The following IL7 variants were observed in gnomAD, a reference collection of about 807,000 sequenced individuals.
IL7 encodes interleukin 7.
Under a neutral mutation model 21.6 loss-of-function variants are expected in IL7, and 3 were observed. The ratio of observed to expected loss-of-function variants is 0.14; its 90% confidence interval spans 0.06 to 0.36. The LOEUF is 0.36. Ranked by LOEUF, IL7 falls within the 10% of genes least tolerant of loss-of-function variation. The pLI is 1.00. For synonymous variants in IL7, 62 were observed against 68.1 expected (o/e 0.91, Z 0.44); for missense variants, 175 against 200.2 (o/e 0.87, Z 0.76).
chr8:78,745,059 C>A (rs1811933203), intron 2 of IL7, among the ~76,000 whole-genome samples: 1 of 152,210 alleles, frequency 6.6e-6, no homozygotes, highest in Non-Finnish European at 1.5e-5. Context: ...GCCCTTTTGT[C>A]CCTCTTTGTG....
chr8:78,729,813 C>G (rs942355837), downstream of IL7, among the ~76,000 whole-genome samples: 1 of 152,046 alleles, frequency 6.6e-6, no homozygotes, highest in Middle Eastern at 3.4e-3. Context: ...TTAAAGTTCT[C>G]ATTTGAATCA....
intron 4 of IL7, among the ~76,000 whole-genome samples, chr8:78,737,599 G>A (rs1272969789): frequency 6.6e-6 from 1 of 152,048 alleles, no homozygotes; most frequent in East Asian, 1.9e-4. Context: ...GGCTATCCAA[G>A]TTATATAATA....
At chr8:78,753,960 C>A (rs898764389) in intron 2 of IL7, among the ~76,000 whole-genome samples, 2 of 151,786 alleles carry the variant, frequency 1.3e-5, no homozygotes, top group Admixed American at 1.3e-4. Context: ...CCATGCTGTT[C>A]GGTTACATTT....
chr8:78,791,454 A>G (rs1231125303), intron 2 of IL7, among the ~76,000 whole-genome samples: 1 of 152,188 alleles, frequency 6.6e-6, no homozygotes, highest in African/African-American at 2.4e-5. Context: ...AGCCTGGCCA[A>G]CATGGCAAAA....
At chr8:78,759,938 T>C (rs1812491701) in intron 2 of IL7, among the ~76,000 whole-genome samples, 1 of 152,190 alleles carries the variant, frequency 6.6e-6, no homozygotes, top group South Asian at 2.1e-4. Flanking sequence ...CATGGAACTT[T>C]CAACGTTCTC....
At chr8:78,699,978 C>T (rs1431505757) in intron 3 of IL7, among the ~76,000 whole-genome samples, 1 of 152,072 alleles carries the variant, frequency 6.6e-6, no homozygotes, top group East Asian at 1.9e-4. Flanking sequence ...TGGGTATATA[C>T]TCAGTAATGG....
chr8:78,762,744 T>G (rs2130767233), intron 2 of IL7, among the ~76,000 whole-genome samples: 1 of 152,234 alleles, frequency 6.6e-6, no homozygotes, highest in South Asian at 2.1e-4. Context: ...TGAATTCTTT[T>G]TCAGGCTTTT....
At chr8:78,767,233 T>C (rs1812784084) in intron 2 of IL7, among the ~76,000 whole-genome samples, 1 of 151,922 alleles carries the variant, frequency 6.6e-6, no homozygotes. Context: ...TGTGTGTGTG[T>C]CTGTGTTTAT....
chr8:78,694,572 G>A (rs1309461114), intron 3 of IL7, among the ~76,000 whole-genome samples: 1 of 151,996 alleles, frequency 6.6e-6, no homozygotes, highest in Non-Finnish European at 1.5e-5. Flanking sequence ...ATATGGTTTG[G>A]CCTGGAAATT....
At chr8:78,802,230 A>G (rs554561446) in intron 1 of IL7, among the ~76,000 whole-genome samples, 2 of 152,298 alleles carry the variant, frequency 1.3e-5, no homozygotes, top group South Asian at 4.1e-4. Context: ...GTTTTCTACA[A>G]TCCATCAACT....
At chr8:78,758,352 C>G (rs1812424666) in intron 2 of IL7, among the ~76,000 whole-genome samples, 1 of 152,064 alleles carries the variant, frequency 6.6e-6, no homozygotes, top group Non-Finnish European at 1.5e-5. Flanking sequence ...TCTCTTTCCT[C>G]TTTTAATATT....
chr8:78,689,353 C>A, intron 3 of IL7: 1 of 1,595,762 alleles, frequency 6.3e-7, no homozygotes. Flanking sequence ...CAAAGGAAAA[C>A]CAACTTCTCG....
chr8:78,683,969 A>G (rs1011010168), intron 4 of IL7, among the ~76,000 whole-genome samples: 1 of 152,158 alleles, frequency 6.6e-6, no homozygotes, highest in African/African-American at 2.4e-5. Context: ...CTTCATCTCC[A>G]TCTGAGACCA....
At chr8:78,742,314 A>T (rs1420880324) in intron 2 of IL7, among the ~76,000 whole-genome samples, 2 of 152,066 alleles carry the variant, frequency 1.3e-5, no homozygotes, top group African/African-American at 4.8e-5. Context: ...ACAGAGCAAG[A>T]CTCTGTCTCA....
At chr8:78,802,420 G>A (rs953417947) in intron 1 of IL7, among the ~76,000 whole-genome samples, 5 of 150,704 alleles carry the variant, frequency 3.3e-5, no homozygotes, top group Admixed American at 6.6e-5. Flanking sequence ...AATTCCTTTC[G>A]TATTTTTCTC....
At chr8:78,706,468 G>C (rs549358387) in intron 3 of IL7, among the ~76,000 whole-genome samples, 1 of 152,098 alleles carries the variant, frequency 6.6e-6, no homozygotes, top group East Asian at 1.9e-4. Flanking sequence ...TCACAAGGGC[G>C]TCTCTTGACC....
At chr8:78,781,857 A>G (rs1050659284) in intron 2 of IL7, among the ~76,000 whole-genome samples, 1 of 152,066 alleles carries the variant, frequency 6.6e-6, no homozygotes, top group African/African-American at 2.4e-5. Context: ...ACGTACCCCA[A>G]TCAGGCGTAG....
chr8:78,804,233 A>T (rs1226205234), intron 1 of IL7, among the ~76,000 whole-genome samples: 2 of 152,046 alleles, frequency 1.3e-5, no homozygotes, highest in African/African-American at 2.4e-5. Context: ...CGCCTATTTC[A>T]TTCTGCCTCC....
In IL7 at chr8:78,787,186, T is replaced by A. The variant is rs906421418; in HGVS notation, c.147+10886A>T. On this transcript the variant is annotated intron_variant, in intron 2 of 5. Transcript: ENST00000263851. ...AATTAGTTAAACCCAAGGAGCAGGT[T>A]GTGGGATCCCCATTGTACAGCCAGT... Among the ~76,000 whole-genome samples, 3 of 152,232 alleles carry A rather than the reference T, an allele frequency of 2.0e-5. No homozygotes were observed. In the East Asian group the frequency reaches 5.8e-4, roughly 29 times the overall value.
Sources: gnomAD v4.1 joint callset for allele counts (sites outside exome capture counted in the v4.1 genomes callset) on GRCh38, gnomAD v4.1.1 for gene constraint, MANE v1.5 for transcripts, NCBI Gene and HGNC (gene_info 2026-07-23, HGNC 2026-07-21) for gene names.